The following USP53 variants were observed in gnomAD, a reference collection of about 807,000 sequenced individuals.
The protein encoded by USP53 is ubiquitin carboxyl-terminal hydrolase 53.
USP53 carries 71 observed loss-of-function variants against 94.9 expected under a neutral mutation model. The observed-to-expected ratio is 0.75, with a 90% confidence interval of 0.62 to 0.91. The LOEUF (loss-of-function observed/expected upper bound fraction) is 0.91. Ranked by LOEUF, USP53 falls within the 40% of genes least tolerant of loss-of-function variation. The pLI, the probability that USP53 is intolerant of heterozygous loss-of-function variation, is 0.00. For synonymous variants in USP53, 375 were observed against 422.7 expected (o/e 0.89, Z 1.39); for missense variants, 1,173 against 1,281.0 (o/e 0.92, Z 1.29).
chr4:119,250,362 G>T (rs1312933789), intron 7 of USP53, among the ~76,000 whole-genome samples: 1 of 151,980 alleles, frequency 6.6e-6, no homozygotes, highest in Non-Finnish European at 1.5e-5. Flanking sequence ...AATTCATTTG[G>T]CATTTTTATA....
intron 17 of USP53, among the ~76,000 whole-genome samples, chr4:119,282,752 G>GT (rs1753648675): frequency 6.6e-6 from 1 of 151,818 alleles, no homozygotes; most frequent in South Asian, 2.1e-4. Flanking sequence ...GCTGTGCATG[G>GT]TTTTTTCCCC....
At chr4:119,233,014 A>AT (rs1746267173) in intron 3 of USP53, among the ~76,000 whole-genome samples, 1 of 151,574 alleles carries the variant, frequency 6.6e-6, no homozygotes, top group African/African-American at 2.4e-5. Flanking sequence ...TAAGCTTTTC[A>AT]TTTTTTCTTG....
chr4:119,275,963 T>G (rs1467443963), intron 17 of USP53, among the ~76,000 whole-genome samples: 1 of 147,648 alleles, frequency 6.8e-6, no homozygotes, highest in East Asian at 2.0e-4. Flanking sequence ...CCTGAGACTT[T>G]GCTGAAGTTG....
chr4:119,234,666 A>C lies in USP53; in HGVS notation c.-664-624A>C, dbSNP rs189926324. Among the ~76,000 whole-genome samples, 7 of 152,346 alleles carry C rather than the reference A, an allele frequency of 4.6e-5. No individual in the cohort carries two copies. In the East Asian group the frequency reaches 1.2e-3, roughly 25 times the overall value. On this transcript the variant is annotated intron_variant, in intron 3 of 18. Coordinates refer to ENST00000692078, the MANE Select transcript of USP53 (RefSeq NM_001371395.1). ...CCTTAACATTCTACAAACATGATTA[A>C]ATTTATTAAAACCTTAATTTGTATG... is the stretch of plus-strand genomic sequence containing the variant.
chr4:119,287,256 G>C, intron 17 of USP53, among the ~76,000 whole-genome samples: 1 of 151,920 alleles, frequency 6.6e-6, no homozygotes, highest in East Asian at 1.9e-4. Context: ...GCAATTTAGT[G>C]GAAGTAAACG....
At chr4:119,262,455 TAAAC>T (rs1305746391) in intron 12 of USP53, among the ~76,000 whole-genome samples, 1 of 152,174 alleles carries the variant, frequency 6.6e-6, no homozygotes, top group Non-Finnish European at 1.5e-5. Flanking sequence ...ACCAAAAACA[TAAAC>T]AGTCAATTAA....
intron 16 of USP53, 198 bp downstream of exon 16, chr4:119,272,232 AT>A: frequency 4.5e-6 from 2 of 444,456 alleles, no homozygotes; most frequent in Non-Finnish European, 7.5e-6. Context: ...TTTATTTGAT[AT>A]TTTAGATTTC....
intron 7 of USP53, among the ~76,000 whole-genome samples, chr4:119,249,337 T>C (rs1748658625): frequency 2.6e-5 from 4 of 152,114 alleles, no homozygotes; most frequent in Admixed American, 2.6e-4. Context: ...AGGTTGAAAA[T>C]CACTGAGGTT....
At chr4:119,256,141 A>G in intron 7 of USP53, 105 bp from the exon 8 acceptor site, 1 of 749,860 alleles carries the variant, frequency 1.3e-6, no homozygotes, top group Non-Finnish European at 2.1e-6. Context: ...AATATGTATG[A>G]CACTCTTAAA....
intron 12 of USP53, among the ~76,000 whole-genome samples, chr4:119,263,853 C>T (rs187192762): frequency 1.3e-5 from 2 of 152,154 alleles, no homozygotes; most frequent in East Asian, 1.9e-4. Flanking sequence ...GGGCAGATCA[C>T]GAGGTCAAGA....
At chr4:119,274,262 C>G in intron 17 of USP53, among the ~76,000 whole-genome samples, 1 of 129,492 alleles carries the variant, frequency 7.7e-6, no homozygotes, top group East Asian at 2.5e-4. Context: ...CCCACCCCAC[C>G]GCAGTCCCCA....
intron 9 of USP53, among the ~76,000 whole-genome samples, chr4:119,258,503 T>G (rs1750053644): frequency 6.6e-6 from 1 of 152,210 alleles, no homozygotes. Context: ...AATAGTTGTT[T>G]AAGTATTAGT....
chr4:119,216,107 C>T (rs904217462), intron 2 of USP53, among the ~76,000 whole-genome samples: 5 of 152,174 alleles, frequency 3.3e-5, no homozygotes, highest in African/African-American at 1.2e-4. Context: ...TGGCTGGGTG[C>T]TGTGGCTCAC....
At chr4:119,225,121 T>C (rs1425547931) in intron 3 of USP53, among the ~76,000 whole-genome samples, 1 of 152,242 alleles carries the variant, frequency 6.6e-6, no homozygotes, top group East Asian at 1.9e-4. Flanking sequence ...ATGGACATCA[T>C]TGCAAACCTT....
At chr4:119,238,325 G>A (rs995102775) in intron 4 of USP53, among the ~76,000 whole-genome samples, 1 of 152,116 alleles carries the variant, frequency 6.6e-6, no homozygotes, top group African/African-American at 2.4e-5. Context: ...CGTCATTTCA[G>A]TACTGCTGCA....
At chr4:119,240,377 C>T (rs1272101384) in intron 5 of USP53, among the ~76,000 whole-genome samples, 4 of 152,122 alleles carry the variant, frequency 2.6e-5, no homozygotes, top group Non-Finnish European at 4.4e-5. Context: ...CATTTGGGCT[C>T]CACTGTTTTG....
At chr4:119,221,744 T>C (rs2149267768) in intron 3 of USP53, among the ~76,000 whole-genome samples, 1 of 152,306 alleles carries the variant, frequency 6.6e-6, no homozygotes, top group African/African-American at 2.4e-5. Context: ...GTCTTCGATT[T>C]TCTGGCAGTG....
In USP53 at chr4:119,269,691, C is replaced by A; in HGVS notation, c.1289C>A (p.Ala430Asp). Residue 430 changes from alanine to aspartate, a missense_variant and splice_region_variant, in exon 15 of 19, where the codon GCT becomes GAT. Transcript: ENST00000692078. The part of the protein sequence containing the change: ...HSHTGVGKGP[A>D]KLSHIDQREK... Reference sequence around the variant, plus strand: ...ATAGTAAGAATGATTTCTTTTACAGCTAAGTTAAGTCACATTGATCAAAGG... The same window carrying A: ...ATAGTAAGAATGATTTCTTTTACAGATAAGTTAAGTCACATTGATCAAAGG... 1 of 1,417,112 alleles carries A rather than the reference C, an allele frequency of 7.1e-7. No individual in the cohort carries two copies. Among genetic ancestry groups the A allele is most frequent in the Non-Finnish European group, 9.2e-7 (1 of 1,082,094 alleles). 87.8% of individuals were successfully genotyped at this position (1,417,112 alleles called of 1,614,324 possible).
intron 7 of USP53, among the ~76,000 whole-genome samples, chr4:119,250,235 G>T (rs1441392008): frequency 6.6e-6 from 1 of 151,948 alleles, no homozygotes; most frequent in African/African-American, 2.4e-5. Flanking sequence ...TCAAGTTCCT[G>T]AAATACTCAA....
Sources: allele counts gnomAD v4.1 joint callset (sites outside exome capture counted in the v4.1 genomes callset), GRCh38; gene constraint gnomAD v4.1.1; transcripts MANE v1.5; gene names NCBI Gene and HGNC (gene_info 2026-07-23, HGNC 2026-07-21).